The following SESTD1 variants were observed in gnomAD, a reference collection of about 807,000 sequenced individuals.
SESTD1 encodes the protein SEC14 domain and spectrin repeat-containing protein 1.
Under a neutral mutation model 101.7 loss-of-function variants are expected in SESTD1, and 43 were observed. The ratio of observed to expected loss-of-function variants is 0.42; its 90% CI spans 0.33 to 0.55. The LOEUF (loss-of-function observed/expected upper bound fraction) is 0.55, where lower values mean the gene tolerates loss of function less well. Ranked by LOEUF, SESTD1 falls within the 20% of genes least tolerant of loss-of-function variation. The pLI, the probability that SESTD1 is intolerant of heterozygous loss-of-function variation, is 0.07. For synonymous variants in SESTD1, 283 were observed against 286.8 expected (o/e 0.99, Z 0.13); for missense variants, 647 against 815.1 (o/e 0.79, Z 2.51).
At chr2:179,199,103 T>C (rs2046456030) in intron 1 of SESTD1, among the ~76,000 whole-genome samples, 2 of 151,744 alleles carry the variant, frequency 1.3e-5, no homozygotes, top group African/African-American at 4.8e-5. Flanking sequence ...ATAGACGCAA[T>C]AAAAAATGAT....
intron 1 of SESTD1, among the ~76,000 whole-genome samples, chr2:179,257,950 C>T (rs2047424452): frequency 6.6e-6 from 1 of 152,178 alleles, no homozygotes; most frequent in South Asian, 2.1e-4. Flanking sequence ...TTAGATGTTT[C>T]TCATATTGTC....
In SESTD1 at chr2:179,112,712, C is replaced by T. The variant is rs776777776; in HGVS notation, c.1961+12G>A. On this transcript the variant is annotated intron_variant, in intron 17 of 17. Transcript: ENST00000428443. Reference sequence around the variant, plus strand: ...CCAATAAAAAATAAAATTATAAGAACATGCCCCATACCCATCAGGATAAAC... The same window carrying T: ...CCAATAAAAAATAAAATTATAAGAATATGCCCCATACCCATCAGGATAAAC... 3 of 1,589,324 alleles carry T rather than the reference C, an allele frequency of 1.9e-6. No homozygotes were observed. Among genetic ancestry groups the T allele is most frequent in the South Asian group, 1.2e-5 (1 of 86,128 alleles).
intron 1 of SESTD1, among the ~76,000 whole-genome samples, chr2:179,234,809 T>C (rs527805680): frequency 2.4e-4 from 36 of 152,132 alleles, no homozygotes; most frequent in African/African-American, 7.0e-4. Context: ...TGGAATTCTT[T>C]AAAAAATGTC....
At chr2:179,147,369 T>G (rs1290089152) in intron 7 of SESTD1, among the ~76,000 whole-genome samples, 1 of 151,680 alleles carries the variant, frequency 6.6e-6, no homozygotes, top group East Asian at 1.9e-4. Flanking sequence ...TTTTTTGTTT[T>G]TTTTTTTTTT....
chr2:179,257,435 C>T (rs6756326), intron 1 of SESTD1, among the ~76,000 whole-genome samples: 68,931 of 152,092 alleles, frequency 0.45, 18,782 homozygotes, highest in African/African-American at 0.77. Context: ...ATAATTCTAT[C>T]ACACATTTTG....
chr2:179,201,936 A>AATAATAATAATG lies in SESTD1; in HGVS notation c.-25-10071_-25-10070insCATTATTATTAT, dbSNP rs1207358220. 2.5e-4 allele frequency among the ~76,000 whole-genome samples: 32 copies of AATAATAATAATG among 126,778 alleles called. 7 individuals carry two copies. The highest frequency in any genetic ancestry group is 8.9e-4 in the African/African-American group (28 of 31,630). 83.2% of individuals were successfully genotyped at this position (126,778 alleles called of 152,430 possible). On this transcript the variant is annotated intron_variant, in intron 1 of 17. Coordinates refer to ENST00000428443, the MANE Select transcript of SESTD1 (RefSeq NM_178123.5). ...CTTAAAGTATAATAATAATAATAAT[A>AATAATAATAATG]ATAATAATAATAATAATAATAAAGA... is the stretch of plus-strand genomic sequence containing the variant.
intron 3 of SESTD1, among the ~76,000 whole-genome samples, chr2:179,176,964 A>G (rs994896850): frequency 2.0e-5 from 3 of 152,214 alleles, no homozygotes; most frequent in Admixed American, 2.0e-4. Context: ...GTGAAGTCAT[A>G]GTTCAAAACA....
intron 2 of SESTD1, among the ~76,000 whole-genome samples, chr2:179,185,147 C>T (rs1575468471): frequency 6.6e-6 from 1 of 151,690 alleles, no homozygotes. Flanking sequence ...TCTGACAAAA[C>T]CTAACACAAA....
intron 7 of SESTD1, among the ~76,000 whole-genome samples, chr2:179,146,825 T>C (rs1375465294): frequency 2.0e-5 from 3 of 152,216 alleles, no homozygotes; most frequent in South Asian, 4.1e-4. Flanking sequence ...AAAAAATGCA[T>C]GCAGCCATCC....
chr2:179,168,193 C>T (rs1450634367), intron 5 of SESTD1, among the ~76,000 whole-genome samples: 1 of 152,128 alleles, frequency 6.6e-6, no homozygotes, highest in Non-Finnish European at 1.5e-5. Flanking sequence ...CCTCTTCCTC[C>T]TCAGCCTCAA....
chr2:179,253,983 C>A (rs2047356037), intron 1 of SESTD1, among the ~76,000 whole-genome samples: 1 of 151,858 alleles, frequency 6.6e-6, no homozygotes, highest in Non-Finnish European at 1.5e-5. Flanking sequence ...ACCTATAGTC[C>A]CAGCTACTCA....
intron 13 of SESTD1, among the ~76,000 whole-genome samples, chr2:179,120,233 A>AG (rs1553516674): frequency 4.6e-5 from 7 of 152,098 alleles, no homozygotes; most frequent in African/African-American, 1.7e-4. Flanking sequence ...GTTTCAAAAA[A>AG]AAAAGAAAAG....
chr2:179,104,088 G>A lies in SESTD1; in HGVS notation c.*5811C>T, dbSNP rs546265434. ...AAGATGTTGGGTAAAAATACAGGGT[G>A]CAATGTTTACCAAATAGTTTTGCTG... On this transcript the variant is annotated 3_prime_UTR_variant, in exon 18 of 18. Coordinates refer to ENST00000428443, the MANE Select transcript of SESTD1 (RefSeq NM_178123.5). 1 of 152,182 alleles carries A rather than the reference G, an allele frequency of 6.6e-6. No individual in the cohort carries two copies. Among genetic ancestry groups the A allele is most frequent in the East Asian group, 1.9e-4 (1 of 5,184 alleles). The allele number at this position is 152,182 out of a possible 1,614,324, so 9.4% of individuals were successfully genotyped here.
At chr2:179,257,057 GAGAAATCTTTCATGAGAAGA>G (rs1246470383) in intron 1 of SESTD1, among the ~76,000 whole-genome samples, 1 of 151,994 alleles carries the variant, frequency 6.6e-6, no homozygotes, top group Non-Finnish European at 1.5e-5. Flanking sequence ...TCATGCCACA[GAGAAATCTTTCATGAGAAGA>G]AGAGTCCATC....
chr2:179,110,550 A>C (rs999228101), intron 17 of SESTD1, among the ~76,000 whole-genome samples: 9 of 152,216 alleles, frequency 5.9e-5, no homozygotes, highest in Non-Finnish European at 8.8e-5. Flanking sequence ...CTTAGAAATT[A>C]TCAGGTTAAT....
intron 1 of SESTD1, among the ~76,000 whole-genome samples, chr2:179,222,180 T>C (rs2046825491): frequency 6.6e-6 from 1 of 152,128 alleles, no homozygotes; most frequent in Non-Finnish European, 1.5e-5. Context: ...CAAAGATCTC[T>C]CTACTATGGG....
In SESTD1 at chr2:179,102,032, C is replaced by G. The variant is rs958490814; in HGVS notation, c.*7867G>C. On this transcript the variant is annotated 3_prime_UTR_variant, in exon 18 of 18. Coordinates refer to ENST00000428443, the MANE Select transcript of SESTD1 (RefSeq NM_178123.5). ...TATGATTGTGTTATTTTAAATACAG[C>G]TTTGTTGTAATATGCCTCCTCCATC... 4 of 152,104 alleles carry G rather than the reference C, an allele frequency of 2.6e-5. No individual in the cohort carries two copies. Among genetic ancestry groups the G allele is most frequent in the African/African-American group, 9.7e-5 (4 of 41,422 alleles). The allele number at this position is 152,104 out of a possible 1,614,324, so 9.4% of individuals were successfully genotyped here. A position where few individuals can be genotyped will look rare whatever the true frequency, so the allele number is the denominator to read the frequency against.
chr2:179,148,292 C>T (rs1036285800), intron 7 of SESTD1, among the ~76,000 whole-genome samples: 1 of 152,176 alleles, frequency 6.6e-6, no homozygotes, highest in Non-Finnish European at 1.5e-5. Context: ...TTCACATTTC[C>T]TAATGAAAAA....
intron 1 of SESTD1, among the ~76,000 whole-genome samples, chr2:179,240,589 G>A (rs551123566): frequency 9.9e-5 from 15 of 152,098 alleles, no homozygotes; most frequent in African/African-American, 2.7e-4. Flanking sequence ...AACAAAAGCC[G>A]CCAGTCAAAA....
Sources: allele counts gnomAD v4.1 joint callset (sites outside exome capture counted in the v4.1 genomes callset), GRCh38; gene constraint gnomAD v4.1.1; transcripts MANE v1.5; gene names NCBI Gene and HGNC (gene_info 2026-07-23, HGNC 2026-07-21).